The following TG variants were observed in gnomAD, a reference collection of about 807,000 sequenced individuals.
TG encodes the protein thyroid hormones.
Under a neutral mutation model 324.7 loss-of-function variants are expected in TG, and 270 were observed. The ratio of observed to expected loss-of-function variants is 0.83; its 90% CI spans 0.75 to 0.92. TG has a LOEUF of 0.92. TG is among the 40% of genes least tolerant of loss of function. TG has a pLI of 0.00. For synonymous variants in TG, 1,401 were observed against 1,327.0 expected (o/e 1.06, Z -1.21); for missense variants, 3,591 against 3,456.4 (o/e 1.04, Z -0.98).
At chr8:133,094,036 A>G (rs1215278196) in intron 41 of TG, among the ~76,000 whole-genome samples, 2 of 151,774 alleles carry the variant, frequency 1.3e-5, no homozygotes, top group Non-Finnish European at 2.9e-5. Flanking sequence ...GTTACCCATG[A>G]CTCTTCAGTG....
rs1835382115 is a variant in TG, at chr8:133,019,703, CA to C, written c.6876+12del. 2 of 1,609,602 alleles carry C rather than the reference CA, an allele frequency of 1.2e-6. No individual in the cohort carries two copies. Among genetic ancestry groups the C allele is most frequent in the Non-Finnish European group, 1.7e-6 (2 of 1,176,616 alleles). Reference sequence around the variant, plus strand: ...TTCATCCCTCAGAATGTGGTGAGTTCAAAAGCACTTGCTATGGTTGCCCTGA... The same window carrying C: ...TTCATCCCTCAGAATGTGGTGAGTTCAAAGCACTTGCTATGGTTGCCCTGA... On this transcript the variant is annotated intron_variant, in intron 39 of 47. Transcript: ENST00000220616.
chr8:133,128,336 T>TACAC (rs1206597558), intron 45 of TG, among the ~76,000 whole-genome samples: 7 of 21,928 alleles, frequency 3.2e-4, no homozygotes, highest in Admixed American at 1.1e-3. Flanking sequence ...ACAAAAGGCG[T>TACAC]GCACACACAC....
At chr8:133,038,405 CTTGGCTTCTA>C in intron 41 of TG, 1 of 779,166 alleles carries the variant, frequency 1.3e-6, no homozygotes, top group Non-Finnish European at 2.2e-6. Flanking sequence ...TGTGGCTTCT[CTTGGCTTCTA>C]AAATACGTGA....
intron 37 of TG, among the ~76,000 whole-genome samples, chr8:133,015,715 G>A (rs1338899167): frequency 6.6e-6 from 1 of 152,202 alleles, no homozygotes; most frequent in Non-Finnish European, 1.5e-5. Context: ...AGCAGCCACG[G>A]TCCTGAGTGC....
intron 41 of TG, among the ~76,000 whole-genome samples, chr8:133,078,960 A>C (rs369946572): frequency 6.6e-6 from 1 of 152,142 alleles, no homozygotes; most frequent in Admixed American, 6.5e-5. Context: ...GGAGGGGGCC[A>C]GTAGAGGAGA....
At chr8:132,948,753 C>T in intron 26 of TG, 23 bp from the exon 27 acceptor site, 1 of 1,612,706 alleles carries the variant, frequency 6.2e-7, no homozygotes, top group Non-Finnish European at 8.5e-7. Flanking sequence ...ACACTGACCT[C>T]TCCTACCTCT....
chr8:133,039,991 T>C (rs775996642), intron 41 of TG: 2 of 1,545,562 alleles, frequency 1.3e-6, no homozygotes, highest in Non-Finnish European at 1.7e-6. Flanking sequence ...ACACACACCA[T>C]ACTCACCTGG....
intron 41 of TG, among the ~76,000 whole-genome samples, chr8:133,059,666 T>C (rs1262594926): frequency 2.6e-5 from 4 of 152,114 alleles, no homozygotes; most frequent in African/African-American, 4.8e-5. Flanking sequence ...CAGATCCAGC[T>C]CTTGCGGGGC....
chr8:133,057,169 TGC>T (rs879603229), intron 41 of TG, among the ~76,000 whole-genome samples: 2,773 of 151,530 alleles, frequency 0.018, 96 homozygotes, highest in African/African-American at 0.063. Flanking sequence ...TCTGTGCTGC[TGC>T]CTCTGTTGGT....
intron 41 of TG, among the ~76,000 whole-genome samples, chr8:133,042,680 T>C (rs1262575355): frequency 1.6e-5 from 1 of 62,368 alleles, no homozygotes; most frequent in African/African-American, 6.4e-5. Context: ...TTCTGTGTCT[T>C]TTTTTTTTTT....
intron 23 of TG, 52 bp from the exon 24 acceptor site, chr8:132,933,509 C>G: frequency 6.6e-7 from 1 of 1,523,760 alleles, no homozygotes; most frequent in Admixed American, 1.7e-5. Flanking sequence ...CTGCTCTGCC[C>G]TCAGCATCCC....
chr8:132,993,960 A>C (rs1832630236), intron 35 of TG, among the ~76,000 whole-genome samples: 1 of 152,218 alleles, frequency 6.6e-6, no homozygotes, highest in African/African-American at 2.4e-5. Context: ...GTCAGAAACC[A>C]CATAATCAAA....
At chr8:133,100,961 A>ATT (rs113664419) in intron 43 of TG, among the ~76,000 whole-genome samples, 7 of 151,546 alleles carry the variant, frequency 4.6e-5, no homozygotes, top group East Asian at 1.9e-4. Flanking sequence ...ATTTAACACG[A>ATT]TTTTTTTTCT....
At chr8:133,032,930 C>G (rs552182518) in intron 41 of TG, among the ~76,000 whole-genome samples, 1 of 152,150 alleles carries the variant, frequency 6.6e-6, no homozygotes, top group Non-Finnish European at 1.5e-5. Context: ...ATTTGAGGCT[C>G]AGAGAGATTT....
At chr8:132,974,664 C>T (rs185172977) in intron 34 of TG, among the ~76,000 whole-genome samples, 2 of 152,282 alleles carry the variant, frequency 1.3e-5, no homozygotes, top group African/African-American at 4.8e-5. Flanking sequence ...ACTGACCTTC[C>T]CCCAACTCAA....
At chr8:132,919,688 A>T (rs1232534268) in intron 21 of TG, among the ~76,000 whole-genome samples, 163 bp downstream of exon 21, 3 of 152,196 alleles carry the variant, frequency 2.0e-5, no homozygotes, top group African/African-American at 7.2e-5. Flanking sequence ...TAGCTCTCAG[A>T]TGCCAGTAGC....
chr8:133,059,034 G>C (rs1203089533), intron 41 of TG: 1 of 457,682 alleles, frequency 2.2e-6, no homozygotes, highest in Non-Finnish European at 4.4e-6. Flanking sequence ...TTGTGAGGGA[G>C]CCACAGAAGT....
At position 132,930,905 on chromosome 8, in the gene TG, T is replaced by A. The variant is rs565754701; in HGVS notation, c.4816+1713T>A. The stretch of plus-strand genomic sequence containing the variant: ...ATCAAGGAGGTCCAGCAAGATGCCA[T>A]CCTATCAGACAAACGAGAGCAGAGC... On this transcript the variant is annotated intron_variant, in intron 23 of 47. Transcript: ENST00000220616. Among the ~76,000 whole-genome samples the A allele has an allele frequency of 5.9e-5, 9 of 152,246 alleles. No individual in the cohort carries two copies. The East Asian group carries it at 1.5e-3, about 26-fold the overall frequency.
At chr8:133,111,559 G>T (rs941711979) in intron 43 of TG, among the ~76,000 whole-genome samples, 1 of 152,164 alleles carries the variant, frequency 6.6e-6, no homozygotes, top group East Asian at 1.9e-4. Flanking sequence ...ATAGATTGTA[G>T]GTGAGTATTT....
Sources: gnomAD v4.1 joint callset for allele counts (sites outside exome capture counted in the v4.1 genomes callset) on GRCh38, gnomAD v4.1.1 for gene constraint, MANE v1.5 for transcripts, NCBI Gene and HGNC (gene_info 2026-07-23, HGNC 2026-07-21) for gene names.